SAMD5: variants seen among roughly 807,000 people sequenced by gnomAD.
SAMD5 encodes sterile alpha motif domain-containing protein 5.
A neutral mutation model predicts 11.3 loss-of-function variants in SAMD5; 13 were observed. The ratio of observed to expected loss-of-function variants is 1.15; its 90% CI spans 0.75 to 1.83. The LOEUF (loss-of-function observed/expected upper bound fraction) is 1.83. Among genes scored for constraint, SAMD5 ranks in the 40% most tolerant of loss-of-function variants. SAMD5 has a pLI of 0.00. For missense variants in SAMD5, 255 were observed against 239.1 expected, an observed-to-expected ratio of 1.07 and a Z score of -0.44; for synonymous variants, 129 against 111.3, an observed-to-expected ratio of 1.16 and a Z score of -1.00.
Position 147,729,300 on chromosome 6 carries a change from G to A in SAMD5, c.163-8017G>A, listed in dbSNP as rs920497890. Among the ~76,000 whole-genome samples, 4 of 152,152 alleles carry A rather than the reference G, an allele frequency of 2.6e-5. No homozygotes were observed. The South Asian group carries it at 6.2e-4, about 24-fold the overall frequency. ...GGCTAGGACTCAACATATGAATTTCGAGGTGACACAATTCAGCCCGTAACA... is the reference window on the plus strand; with the variant it reads ...GGCTAGGACTCAACATATGAATTTCAAGGTGACACAATTCAGCCCGTAACA... On this transcript the variant is annotated intron_variant, in intron 1 of 1. Coordinates refer to the SAMD5 transcript ENST00000566741.
intron 1 of SAMD5, among the ~76,000 whole-genome samples, chr6:147,674,900 T>G (rs1386111347): frequency 2.0e-5 from 3 of 152,188 alleles, no homozygotes. Context: ...CACACCTGAT[T>G]CACAAACTAA....
the SAMD5 span, among the ~76,000 whole-genome samples, chr6:147,941,550 GT>G: frequency 0.1 from 15,421 of 151,832 alleles, 1,049 homozygotes; most frequent in South Asian, 0.29. Flanking sequence ...AATAGAATAT[GT>G]TTTTTTTAGG....
chr6:147,899,727 G>C, the SAMD5 span, among the ~76,000 whole-genome samples: 1 of 152,166 alleles, frequency 6.6e-6, no homozygotes, highest in Non-Finnish European at 1.5e-5. Context: ...TTCTGGGAAA[G>C]CTCTCCCTTA....
chr6:147,700,456 AT>A (rs1412866305), intron 1 of SAMD5, among the ~76,000 whole-genome samples: 2 of 152,082 alleles, frequency 1.3e-5, no homozygotes, highest in Non-Finnish European at 2.9e-5. Flanking sequence ...TAAGTTCAGG[AT>A]TTTTTCCCCC....
At chr6:147,672,693 T>G (rs773724620) in intron 1 of SAMD5, among the ~76,000 whole-genome samples, 3 of 151,816 alleles carry the variant, frequency 2.0e-5, no homozygotes, top group Non-Finnish European at 2.9e-5. Context: ...GAGGCCACTT[T>G]AAGCAATTTT....
In SAMD5 at chr6:147,568,299, C is replaced by G. The variant is rs1245413887; in HGVS notation, c.*3843C>G. On this transcript the variant is annotated 3_prime_UTR_variant, in exon 2 of 2. Coordinates refer to ENST00000367474, the MANE Select transcript of SAMD5 (RefSeq NM_001030060.3). ...GATATGAGCATGTCTGAATTTTTCC[C>G]TTATAAGAGCCTGAGTATTGTAACA... is the stretch of plus-strand genomic sequence containing the variant. The G allele has an allele frequency of 5.1e-6, 5 of 985,216 alleles. No homozygotes were observed. In the South Asian group the frequency reaches 2.3e-4, roughly 46 times the overall value. 61.0% of individuals were successfully genotyped at this position (985,216 alleles called of 1,614,324 possible).
Position 147,547,440 on chromosome 6 carries a change from A to G in SAMD5, c.460-16954A>G, listed in dbSNP as rs1471475017. ...AGAATTCCTTGCAGCTACAGACAGG[A>G]GGTTCCCGTTTGCTTTGCTGGCTGT... On this transcript the variant is annotated intron_variant, in intron 1 of 1. Transcript: ENST00000367474. Among the ~76,000 whole-genome samples, 6 of 150,216 alleles carry G rather than the reference A, an allele frequency of 4.0e-5. No individual in the cohort carries two copies. In the Admixed American group the frequency reaches 4.0e-4, roughly 10 times the overall value.
intron 1 of SAMD5, among the ~76,000 whole-genome samples, chr6:147,602,424 GT>G (rs1789631956): frequency 6.6e-6 from 1 of 152,148 alleles, no homozygotes; most frequent in African/African-American, 2.4e-5. Flanking sequence ...AGTGATCCTT[GT>G]GGAAACAAAC....
chr6:147,573,011 A>C (rs1478346925), downstream of SAMD5, among the ~76,000 whole-genome samples: 1 of 152,244 alleles, frequency 6.6e-6, no homozygotes, highest in Non-Finnish European at 1.5e-5. Context: ...TTTGAATCCC[A>C]CAAAGCTGCT....
intron 1 of SAMD5, among the ~76,000 whole-genome samples, chr6:147,701,298 T>C (rs1318593111): frequency 6.6e-6 from 1 of 152,134 alleles, no homozygotes; most frequent in African/African-American, 2.4e-5. Context: ...TAAGCATGCA[T>C]ATACACATTA....
chr6:147,840,619 G>A, the SAMD5 span, among the ~76,000 whole-genome samples: 1 of 152,214 alleles, frequency 6.6e-6, no homozygotes, highest in Non-Finnish European at 1.5e-5. Context: ...GAAGAGCAAA[G>A]GATATGGAGT....
At chr6:147,651,120 T>C (rs893664437) in intron 1 of SAMD5, among the ~76,000 whole-genome samples, 1 of 152,214 alleles carries the variant, frequency 6.6e-6, no homozygotes, top group Non-Finnish European at 1.5e-5. Flanking sequence ...CTATTCAGAA[T>C]GTATTGTCCA....
chr6:147,568,385 A>G lies in SAMD5; in HGVS notation c.*3929A>G. ...AAGTTAACATAATTAAAATGCTTGGACAAAACATTTGCTTTATATAGATTC... is the reference window on the plus strand; with the variant it reads ...AAGTTAACATAATTAAAATGCTTGGGCAAAACATTTGCTTTATATAGATTC... On this transcript the variant is annotated 3_prime_UTR_variant, in exon 2 of 2. Coordinates refer to ENST00000367474, the MANE Select transcript of SAMD5 (RefSeq NM_001030060.3). The G allele has an allele frequency of 1.0e-6, 1 of 984,630 alleles. No individual in the cohort carries two copies. Among genetic ancestry groups the G allele is most frequent in the Non-Finnish European group, 1.2e-6 (1 of 829,152 alleles). The allele number at this position is 984,630 out of a possible 1,614,324, so 61.0% of individuals were successfully genotyped here.
the SAMD5 span, among the ~76,000 whole-genome samples, chr6:147,947,995 C>T: frequency 6.6e-6 from 1 of 152,020 alleles, no homozygotes; most frequent in African/African-American, 2.4e-5. Context: ...TTCTCCTCCT[C>T]CTGTGTCACG....
chr6:147,615,330 C>T (rs1342960617), intron 1 of SAMD5, among the ~76,000 whole-genome samples: 1 of 152,008 alleles, frequency 6.6e-6, no homozygotes, highest in East Asian at 1.9e-4. Flanking sequence ...TTTAAAAGCT[C>T]ATTGAAATTT....
chr6:147,655,454 G>GT (rs926701840), intron 1 of SAMD5, among the ~76,000 whole-genome samples: 13 of 151,818 alleles, frequency 8.6e-5, no homozygotes, highest in Admixed American at 5.3e-4. Context: ...CGTTGCCCTA[G>GT]TTTTTTTTAT....
rs111869500 is a variant in SAMD5, at chr6:147,597,680, G to T, written c.162+88293G>T. The stretch of plus-strand genomic sequence containing the variant: ...GTAATTCTAGTCATATAAATTTCAT[G>T]ATCTCTTCAAGAGCCATTGTTTTCC... On this transcript the variant is annotated intron_variant, in intron 1 of 1. Transcript: ENST00000566741. Among the ~76,000 whole-genome samples, 779 of 152,270 alleles carry T rather than the reference G, an allele frequency of 5.1e-3. 8 individuals are homozygous for T. Among genetic ancestry groups the T allele is most frequent in the African/African-American group, 0.018 (741 of 41,560 alleles).
rs979244708 is a variant in SAMD5 at position 147,508,845 on chromosome 6, A to G, written c.-84A>G. 13 of 1,512,454 alleles carry G rather than the reference A, an allele frequency of 8.6e-6. No homozygotes were observed. The highest frequency in any genetic ancestry group is 1.1e-5 in the Non-Finnish European group (13 of 1,135,566). 93.7% of individuals were successfully genotyped at this position (1,512,454 alleles called of 1,614,324 possible). A position where few individuals can be genotyped will look rare whatever the true frequency, so the allele number is the denominator to read the frequency against. ...CGATACCCTTTTCCCCTTGGAGGAG[A>G]GGATTAAAAGTTCCAAGAACTGGTG... On this transcript the variant is annotated 5_prime_UTR_variant, in exon 1 of 2. Coordinates refer to ENST00000367474, the MANE Select transcript of SAMD5 (RefSeq NM_001030060.3).
chr6:147,561,093 A>G (rs1409833401), intron 1 of SAMD5, among the ~76,000 whole-genome samples: 1 of 152,238 alleles, frequency 6.6e-6, no homozygotes, highest in Non-Finnish European at 1.5e-5. Flanking sequence ...AACAACAATA[A>G]CAAAACCTTG....
Sources: gnomAD v4.1 joint callset for allele counts (sites outside exome capture counted in the v4.1 genomes callset) on GRCh38, gnomAD v4.1.1 for gene constraint, MANE v1.5 for transcripts, NCBI Gene and HGNC (gene_info 2026-07-23, HGNC 2026-07-21) for gene names.